Variants in TBCD observed in about 807,000 individuals in gnomAD.
TBCD encodes tubulin-specific chaperone D.
Under a neutral mutation model 169.3 loss-of-function variants are expected in TBCD, and 105 were observed. That is an observed-to-expected ratio of 0.62 (90% CI 0.53 to 0.73). TBCD has a LOEUF of 0.73. Among genes scored for constraint, TBCD ranks in the 30% least tolerant of loss-of-function variants. TBCD has a pLI of 0.00. For missense variants in TBCD, 1,444 were observed against 1,600.1 expected (o/e 0.90, Z 1.66); for synonymous variants, 700 against 643.9 (o/e 1.09, Z -1.32).
At chr17:82,844,776 T>C (rs1035505460) in intron 13 of TBCD, among the ~76,000 whole-genome samples, 1 of 152,228 alleles carries the variant, frequency 6.6e-6, no homozygotes, top group Non-Finnish European at 1.5e-5. Flanking sequence ...TTCTTGCGAT[T>C]AGGTTTTTGA....
At chr17:82,860,498 T>C (rs1429032074) in intron 13 of TBCD, 1 of 949,616 alleles carries the variant, frequency 1.1e-6, no homozygotes, top group Non-Finnish European at 1.3e-6. Context: ...TGAGGCTGAT[T>C]AATTTGCAAA....
At chr17:82,928,688 C>T (rs534940458) in intron 30 of TBCD, among the ~76,000 whole-genome samples, 10 of 152,176 alleles carry the variant, frequency 6.6e-5, no homozygotes, top group African/African-American at 2.2e-4. Context: ...TTCCTTAGTT[C>T]TCACCTCTTT....
intron 25 of TBCD, 113 bp downstream of exon 25, chr17:82,921,690 G>C: frequency 1.1e-6 from 1 of 914,408 alleles, no homozygotes; most frequent in Non-Finnish European, 1.8e-6. Flanking sequence ...GCAGTAGCCT[G>C]ATAACTGACA....
At chr17:82,840,664 G>C (rs1469671266) in intron 13 of TBCD, 1 of 152,294 alleles carries the variant, frequency 6.6e-6, no homozygotes, top group Non-Finnish European at 1.5e-5. Flanking sequence ...TGGGTGCGGG[G>C]GAGGGGGCCA....
intron 13 of TBCD, among the ~76,000 whole-genome samples, chr17:82,819,272 C>G (rs372373914): frequency 5.3e-5 from 8 of 152,298 alleles, no homozygotes; most frequent in African/African-American, 1.9e-4. Context: ...CACCCTGGGT[C>G]TTTCTGCCCT....
chr17:82,929,289 G>GC lies in TBCD; in HGVS notation c.2852+24dup, dbSNP rs761836234. 2.5e-6 allele frequency: 4 copies of GC among 1,611,864 alleles called. No individual in the cohort carries two copies. On this transcript the variant is annotated intron_variant, in intron 31 of 38. Coordinates refer to ENST00000355528, the MANE Select transcript of TBCD (RefSeq NM_005993.5). ...TTTCCCAGGTACTGTCGGGGTGTAGGCCCCCCGTGCTGGCCCCGCAGCCAT... is the reference window on the plus strand; with the variant it reads ...TTTCCCAGGTACTGTCGGGGTGTAGGCCCCCCCGTGCTGGCCCCGCAGCCAT...
intron 23 of TBCD, among the ~76,000 whole-genome samples, chr17:82,919,241 G>T (rs2061269288): frequency 6.6e-6 from 1 of 152,126 alleles, no homozygotes; most frequent in South Asian, 2.1e-4. Flanking sequence ...TTTCTAACTT[G>T]TGGTAAGAAC....
At chr17:82,886,499 A>G (rs746438235) in intron 15 of TBCD, among the ~76,000 whole-genome samples, 1 of 150,892 alleles carries the variant, frequency 6.6e-6, no homozygotes, top group Non-Finnish European at 1.5e-5. Flanking sequence ...CTCACAGTTA[A>G]AGTAAAGGCA....
chr17:82,779,729 GA>G (rs1320455868), intron 6 of TBCD, among the ~76,000 whole-genome samples: 2 of 152,244 alleles, frequency 1.3e-5, no homozygotes, highest in Admixed American at 6.5e-5. Flanking sequence ...CAAGGGCCGG[GA>G]AGGTGGGATG....
Position 82,942,705 on chromosome 17 carries a change from G to A in TBCD, c.*242G>A. 3.3e-6 allele frequency: 2 copies of A among 601,382 alleles called. No individual in the cohort carries two copies. Among genetic ancestry groups the A allele is most frequent in the East Asian group, 2.8e-5 (1 of 35,872 alleles). 37.3% of individuals were successfully genotyped at this position (601,382 alleles called of 1,614,324 possible). A position where few individuals can be genotyped will look rare whatever the true frequency, so the allele number is the denominator to read the frequency against. ...TTCCTATAAAATCATGTACCAAGAA[G>A]TTCCTGCCTTTTGTCTCTGAGCCTG... is the stretch of plus-strand genomic sequence containing the variant. On this transcript the variant is annotated 3_prime_UTR_variant, in exon 39 of 39. Coordinates refer to ENST00000355528, the MANE Select transcript of TBCD (RefSeq NM_005993.5).
intron 1 of TBCD, among the ~76,000 whole-genome samples, chr17:82,754,924 C>T (rs2047322106): frequency 6.6e-6 from 1 of 152,232 alleles, no homozygotes; most frequent in Non-Finnish European, 1.5e-5. Context: ...CAAAAAGTAT[C>T]TGAGACGAGT....
At position 82,830,736 on chromosome 17, in the gene TBCD, G is replaced by A. The variant is rs937174703; in HGVS notation, c.1318+15802G>A. On this transcript the variant is annotated intron_variant, in intron 13 of 38. Transcript: ENST00000355528. Reference sequence around the variant, plus strand: ...TGCCTTGGTACGTGGGTTCGTGGGTGGCTGCCAGGTTTATCTCTGATTTCT... The same window carrying A: ...TGCCTTGGTACGTGGGTTCGTGGGTAGCTGCCAGGTTTATCTCTGATTTCT... 13 of 1,613,968 alleles carry A rather than the reference G, an allele frequency of 8.1e-6. No homozygotes were observed. In the African/African-American group the frequency reaches 1.2e-4, roughly 15 times the overall value.
At chr17:82,839,146 T>C (rs1455987779) in intron 13 of TBCD, among the ~76,000 whole-genome samples, 2 of 152,256 alleles carry the variant, frequency 1.3e-5, no homozygotes, top group African/African-American at 2.4e-5. Flanking sequence ...TATGTACTTA[T>C]TTTAAACTTT....
chr17:82,929,582 G>T, intron 32 of TBCD, 82 bp downstream of exon 32: 1 of 1,557,854 alleles, frequency 6.4e-7, no homozygotes, highest in Non-Finnish European at 8.7e-7. Flanking sequence ...AGCATGTATG[G>T]AGCTGGGCCT....
intron 13 of TBCD, among the ~76,000 whole-genome samples, chr17:82,827,666 G>A (rs1432117206): frequency 6.6e-6 from 1 of 152,100 alleles, no homozygotes; most frequent in Admixed American, 6.6e-5. Context: ...ACACCCAATC[G>A]AATGTGCACA....
chr17:82,770,767 G>C (rs531930889), intron 5 of TBCD, among the ~76,000 whole-genome samples: 48 of 152,038 alleles, frequency 3.2e-4, no homozygotes, highest in African/African-American at 9.6e-4. Context: ...TGTAATCCCA[G>C]CACTTTGGGA....
At chr17:82,931,049 C>A (rs531427883) in intron 33 of TBCD, among the ~76,000 whole-genome samples, 1 of 152,220 alleles carries the variant, frequency 6.6e-6, no homozygotes, top group Non-Finnish European at 1.5e-5. Context: ...GATGGAATGT[C>A]AAGTGAGAAA....
rs374742832 is a variant in TBCD, at chr17:82,832,307, T to C, written c.1318+17373T>C. 2 of 1,614,128 alleles carry C rather than the reference T, an allele frequency of 1.2e-6. No homozygotes were observed. The highest frequency in any genetic ancestry group is 1.7e-6 in the Non-Finnish European group (2 of 1,180,046). On this transcript the variant is annotated intron_variant, in intron 13 of 38. Coordinates refer to ENST00000355528, the MANE Select transcript of TBCD (RefSeq NM_005993.5). This position sits in a 1 kb window ranked among gnomAD's most constrained non-coding sequence, Gnocchi z 4.9. ...TCTGATACTAAAGTAATCGAGTTTT[T>C]ACAAAGACCATACTTCATGTGATTA...
At chr17:82,768,961 T>C (rs921271830) in intron 5 of TBCD, among the ~76,000 whole-genome samples, 2 of 152,224 alleles carry the variant, frequency 1.3e-5, no homozygotes, top group Non-Finnish European at 2.9e-5. Context: ...TTTATGAAAT[T>C]CTAGTGCCAA....
Sources: allele counts gnomAD v4.1 joint callset (sites outside exome capture counted in the v4.1 genomes callset), GRCh38; gene constraint gnomAD v4.1.1; non-coding constraint Gnocchi (gnomAD v3.1); transcripts MANE v1.5; gene names NCBI Gene and HGNC (gene_info 2026-07-23, HGNC 2026-07-21).